The following WDFY2 variants were observed in gnomAD, a reference collection of about 807,000 sequenced individuals.
WDFY2 encodes the protein WD repeat and FYVE domain containing 2.
WDFY2 carries 36 observed loss-of-function variants against 56.4 expected under a neutral mutation model. The observed-to-expected ratio is 0.64, with a 90% CI of 0.49 to 0.84. WDFY2 has a LOEUF of 0.84. Ranked by LOEUF, WDFY2 falls within the 40% of genes least tolerant of loss-of-function variation. The pLI is 0.00. For synonymous variants in WDFY2, 176 were observed against 183.7 expected (o/e 0.96, Z 0.34); for missense variants, 444 against 512.2 (o/e 0.87, Z 1.29).
At chr13:51,590,072 C>T (rs1436290405) in intron 1 of WDFY2, 2 of 152,148 alleles carry the variant, frequency 1.3e-5, no homozygotes, top group Non-Finnish European at 2.9e-5. Context: ...TCCCAGAGCT[C>T]CTGACAGTTC....
At chr13:51,737,675 C>T (rs980144639) in intron 6 of WDFY2, among the ~76,000 whole-genome samples, 1 of 146,790 alleles carries the variant, frequency 6.8e-6, no homozygotes, top group South Asian at 2.2e-4. Flanking sequence ...AGAAAATTAT[C>T]TTTATGTTTG....
At chr13:51,589,505 T>A (rs1954005113) in intron 1 of WDFY2, 2 of 152,228 alleles carry the variant, frequency 1.3e-5, no homozygotes, top group Non-Finnish European at 2.9e-5. Context: ...ATTCTTTTTA[T>A]TATGAAATTA....
At chr13:51,611,284 A>C (rs535807157) in intron 1 of WDFY2, among the ~76,000 whole-genome samples, 2 of 152,338 alleles carry the variant, frequency 1.3e-5, no homozygotes, top group East Asian at 3.9e-4. Context: ...CACTTGGTCA[A>C]TCTGCATATA....
intron 1 of WDFY2, among the ~76,000 whole-genome samples, chr13:51,627,527 C>A (rs1954859574): frequency 6.6e-6 from 1 of 151,964 alleles, no homozygotes; most frequent in South Asian, 2.1e-4. Flanking sequence ...TGCCACCACA[C>A]CTGGCTAATT....
chr13:51,734,674 A>G (rs1333657665), intron 6 of WDFY2, among the ~76,000 whole-genome samples: 1 of 152,198 alleles, frequency 6.6e-6, no homozygotes, highest in East Asian at 1.9e-4. Context: ...CATTTCCAGA[A>G]CTTCTTCATC....
intron 6 of WDFY2, among the ~76,000 whole-genome samples, chr13:51,734,124 G>A (rs1304261955): frequency 3.3e-5 from 5 of 152,088 alleles, no homozygotes; most frequent in African/African-American, 9.7e-5. Context: ...CCTCTGCTAA[G>A]TTACCAGATC....
intron 5 of WDFY2, among the ~76,000 whole-genome samples, chr13:51,721,759 A>G (rs1952495816): frequency 6.6e-6 from 1 of 152,134 alleles, no homozygotes. Context: ...TTGGAGCCAT[A>G]GTTCCAACCT....
In WDFY2 at chr13:51,584,822, C is replaced by T; in HGVS notation, c.135C>T (p.Asp45=). ...KEEGVISVSE[D]RTVRVWLKRD... is the part of the protein sequence containing the mutation. ...AGGGCGTCATCAGCGTCTCCGAGGA[C>T]AGGTATGGACTACTGCCATTCGGCC... The change falls in exon 1 of 12, where the codon GAC becomes GAT. Residue 45 remains aspartate, a splice_region_variant and synonymous_variant. Transcript: ENST00000298125. The T allele has an allele frequency of 1.2e-6, 2 of 1,613,734 alleles. No individual in the cohort carries two copies. Among genetic ancestry groups the T allele is most frequent in the South Asian group, 2.2e-5 (2 of 91,040 alleles).
Position 51,766,361 on chromosome 13 carries a change from C to G in WDFY2, c.*6592C>G, listed in dbSNP as rs1465321498. On this transcript the variant is annotated 3_prime_UTR_variant, in exon 12 of 12. Coordinates refer to ENST00000298125, the MANE Select transcript of WDFY2 (RefSeq NM_052950.4). The stretch of plus-strand genomic sequence containing the variant: ...GACACGGATCTTCCATTCTCTACAT[C>G]CACCGGACTGCAGCCCAAGTCTGGA... 6.6e-6 allele frequency: 1 copy of G among 152,274 alleles called. No homozygotes were observed. Among genetic ancestry groups the G allele is most frequent in the Admixed American group, 6.5e-5 (1 of 15,292 alleles). The allele number at this position is 152,274 out of a possible 1,614,324, so 9.4% of individuals were successfully genotyped here.
intron 4 of WDFY2, among the ~76,000 whole-genome samples, chr13:51,704,302 T>C (rs1384053567): frequency 6.6e-6 from 1 of 152,242 alleles, no homozygotes; most frequent in Non-Finnish European, 1.5e-5. Flanking sequence ...TTTTAAAATT[T>C]GGAGCTAAAA....
chr13:51,632,215 A>T (rs1485658223), intron 1 of WDFY2, among the ~76,000 whole-genome samples: 2 of 152,120 alleles, frequency 1.3e-5, no homozygotes, highest in African/African-American at 4.8e-5. Flanking sequence ...GGAGGAGCGG[A>T]TGTCTATTGG....
At chr13:51,634,081 T>G (rs923078776) in intron 1 of WDFY2, among the ~76,000 whole-genome samples, 1 of 152,134 alleles carries the variant, frequency 6.6e-6, no homozygotes, top group Non-Finnish European at 1.5e-5. Flanking sequence ...CTTAACTTCT[T>G]TTTGCCTCAG....
chr13:51,723,026 T>C (rs1346947718), intron 5 of WDFY2, among the ~76,000 whole-genome samples: 1 of 152,242 alleles, frequency 6.6e-6, no homozygotes, highest in African/African-American at 2.4e-5. Context: ...GTTTCCCACC[T>C]AATGTAATCT....
intron 3 of WDFY2, among the ~76,000 whole-genome samples, chr13:51,691,710 G>A (rs1367143078): frequency 6.6e-6 from 1 of 152,034 alleles, no homozygotes; most frequent in Non-Finnish European, 1.5e-5. Flanking sequence ...GAACTTTAAA[G>A]TAGTTTTTTC....
At chr13:51,749,789 C>G (rs1236862595) in intron 7 of WDFY2, among the ~76,000 whole-genome samples, 1 of 152,078 alleles carries the variant, frequency 6.6e-6, no homozygotes, top group African/African-American at 2.4e-5. Context: ...TTGATTAGCT[C>G]AGGTTAACAT....
chr13:51,703,929 G>A (rs192239834), intron 4 of WDFY2, among the ~76,000 whole-genome samples: 255 of 152,272 alleles, frequency 1.7e-3, no homozygotes, highest in African/African-American at 5.5e-3. Flanking sequence ...GCTTTTCAAC[G>A]TACAGCAGGT....
intron 1 of WDFY2, among the ~76,000 whole-genome samples, chr13:51,623,376 A>G (rs1251499895): frequency 6.6e-6 from 1 of 152,140 alleles, no homozygotes; most frequent in African/African-American, 2.4e-5. Flanking sequence ...AGTGGGGAGA[A>G]CGACAGGGAT....
intron 2 of WDFY2, among the ~76,000 whole-genome samples, chr13:51,666,529 G>A (rs1955703825): frequency 1.3e-5 from 2 of 152,190 alleles, no homozygotes; most frequent in Admixed American, 1.3e-4. Context: ...AGGATGGAGG[G>A]AGGGCTAGTC....
At chr13:51,595,071 T>A (rs1358436208) in intron 1 of WDFY2, among the ~76,000 whole-genome samples, 2 of 152,174 alleles carry the variant, frequency 1.3e-5, no homozygotes, top group Non-Finnish European at 2.9e-5. Flanking sequence ...ACCACCACTT[T>A]CCAAATTTGC....
Sources: gnomAD v4.1 joint callset for allele counts (sites outside exome capture counted in the v4.1 genomes callset) on GRCh38, gnomAD v4.1.1 for gene constraint, MANE v1.5 for transcripts, NCBI Gene and HGNC (gene_info 2026-07-23, HGNC 2026-07-21) for gene names.